The following FGF1 variants were observed in gnomAD, a reference collection of about 807,000 sequenced individuals.
The protein encoded by FGF1 is fibroblast growth factor 1, also known as beta-endothelial cell growth factor.
FGF1 carries 9 observed loss-of-function variants against 13.4 expected under a neutral mutation model. That is an observed-to-expected ratio of 0.67 (90% confidence interval 0.40 to 1.17). The LOEUF (loss-of-function observed/expected upper bound fraction) is 1.17, where lower values mean the gene tolerates loss of function less well. Among genes scored for constraint, FGF1 ranks in the 50% most tolerant of loss-of-function variants. FGF1 has a pLI of 0.01. For missense variants in FGF1, 156 were observed against 192.7 expected, an observed-to-expected ratio of 0.81 and a Z score of 1.13; for synonymous variants, 93 against 79.0, an observed-to-expected ratio of 1.18 and a Z score of -0.94.
intron 1 of FGF1, among the ~76,000 whole-genome samples, chr5:142,662,029 A>T (rs182582196): frequency 6.6e-6 from 1 of 151,924 alleles, no homozygotes. Context: ...AAACACACAG[A>T]CAAAAAAAAA....
chr5:142,681,620 T>G (rs1284822184), intron 1 of FGF1, among the ~76,000 whole-genome samples: 4 of 152,202 alleles, frequency 2.6e-5, no homozygotes, highest in Non-Finnish European at 5.9e-5. Context: ...CATCTGGTGC[T>G]GAATTCCTAT....
intron 1 of FGF1, among the ~76,000 whole-genome samples, chr5:142,654,948 G>T (rs898082298): frequency 6.6e-6 from 1 of 152,236 alleles, no homozygotes; most frequent in African/African-American, 2.4e-5. Context: ...CCAGGTAACC[G>T]CAGGCTCCCA....
At chr5:142,672,303 A>G (rs1257720560) in intron 1 of FGF1, among the ~76,000 whole-genome samples, 1 of 152,164 alleles carries the variant, frequency 6.6e-6, no homozygotes, top group Non-Finnish European at 1.5e-5. Context: ...AGCTATTCAA[A>G]AATAATGTTA....
chr5:142,613,838 G>C, intron 2 of FGF1, 121 bp downstream of exon 2: 2 of 1,025,838 alleles, frequency 1.9e-6, no homozygotes, highest in Non-Finnish European at 2.8e-6. Context: ...ACCTCTGAAT[G>C]TGTCATGCCT....
intron 1 of FGF1, among the ~76,000 whole-genome samples, chr5:142,648,689 C>CAAAAAAAAAAAAAAAAA (rs11451715): frequency 1.5e-5 from 1 of 66,212 alleles, no homozygotes; most frequent in African/African-American, 6.2e-5. Context: ...CCCCACCAAC[C>CAAAAAAAAAAAAAAAAA]AAAAAAAAAA....
At position 142,641,611 on chromosome 5, in the gene FGF1, T is replaced by C. The variant is rs1245794667; in HGVS notation, c.-34-27450A>G. On this transcript the variant is annotated intron_variant, in intron 1 of 3. Transcript: ENST00000337706. ...AATTTGTTGTAAAAACATATTGTAA[T>C]GAATTGAATCTAATTTATTTGTACT... Among the ~76,000 whole-genome samples, 3 of 152,052 alleles carry C rather than the reference T, an allele frequency of 2.0e-5. 1 individual carries two copies. The highest frequency in any genetic ancestry group is 7.3e-5 in the African/African-American group (3 of 41,290).
chr5:142,608,622 A>G (rs1160228671), intron 2 of FGF1, among the ~76,000 whole-genome samples: 1 of 144,520 alleles, frequency 6.9e-6, no homozygotes, highest in Non-Finnish European at 1.5e-5. Context: ...ATATGAAAAA[A>G]AAAACCTTAT....
intron 1 of FGF1, among the ~76,000 whole-genome samples, chr5:142,676,725 C>G (rs1490462384): frequency 6.6e-6 from 1 of 152,210 alleles, no homozygotes; most frequent in African/African-American, 2.4e-5. Context: ...GCTTAGGGCT[C>G]TGCTTCACAT....
chr5:142,668,182 T>A (rs573809959), intron 1 of FGF1, among the ~76,000 whole-genome samples: 3 of 152,360 alleles, frequency 2.0e-5, no homozygotes, highest in African/African-American at 7.2e-5. Context: ...GCAAGGAAAG[T>A]TCTTTGCTTC....
intron 2 of FGF1, among the ~76,000 whole-genome samples, chr5:142,692,823 A>AAAACAAACAAAC (rs59345808): frequency 1.3e-3 from 190 of 151,208 alleles, no homozygotes; most frequent in Non-Finnish European, 1.9e-3. Context: ...CTATTTGGCA[A>AAAACAAACAAAC]AAACAAACAA....
intron 1 of FGF1, among the ~76,000 whole-genome samples, chr5:142,619,175 C>T (rs1264601390): frequency 6.6e-6 from 1 of 151,998 alleles, no homozygotes; most frequent in East Asian, 1.9e-4. Flanking sequence ...ACCTCGTGAT[C>T]CACCCGCCTC....
At chr5:142,664,198 T>C (rs1769844934) in intron 1 of FGF1, among the ~76,000 whole-genome samples, 1 of 152,214 alleles carries the variant, frequency 6.6e-6, no homozygotes, top group Admixed American at 6.5e-5. Flanking sequence ...TGCTCCATTG[T>C]GTTTTCTGTT....
In FGF1 at chr5:142,663,257, A is replaced by AAAG. The variant is rs1475924380; in HGVS notation, c.-35+22699_-35+22700insCTT. On this transcript the variant is annotated intron_variant, in intron 1 of 3. Coordinates refer to ENST00000337706, the MANE Select transcript of FGF1 (RefSeq NM_000800.5). ...GCAGGTTAATCAGGAAAGAAAAAAA[A>AAAG]AAAAAAGAAAAAAGATAATGAGCTT... Among the ~76,000 whole-genome samples the AAAG allele has an allele frequency of 2.6e-5, 4 of 151,662 alleles. No homozygotes were observed. The East Asian group carries it at 7.7e-4, about 29-fold the overall frequency.
intron 2 of FGF1, among the ~76,000 whole-genome samples, chr5:142,604,958 C>T (rs7718612): frequency 0.098 from 14,868 of 152,048 alleles, 1,555 homozygotes; most frequent in African/African-American, 0.26. Context: ...CATCTGTAGC[C>T]ATGGAATGGA....
intron 1 of FGF1, among the ~76,000 whole-genome samples, chr5:142,623,746 A>AT (rs11395953): frequency 0.32 from 46,621 of 145,852 alleles, 7,950 homozygotes; most frequent in African/African-American, 0.43. Context: ...CATTAAAAAA[A>AT]TTTTTTTTTT....
At chr5:142,626,583 C>T (rs143759665) in intron 1 of FGF1, among the ~76,000 whole-genome samples, 46 of 152,290 alleles carry the variant, frequency 3.0e-4, no homozygotes, top group African/African-American at 1.0e-3. Flanking sequence ...GCCCCCGGAA[C>T]GTGTACAGCC....
intron 1 of FGF1, among the ~76,000 whole-genome samples, chr5:142,629,415 T>C (rs1364259832): frequency 6.6e-6 from 1 of 152,142 alleles, no homozygotes; most frequent in Non-Finnish European, 1.5e-5. Context: ...CCTTCCACCC[T>C]GGCCTTCCAA....
At chr5:142,623,750 T>TTC (rs1336608249) in intron 1 of FGF1, among the ~76,000 whole-genome samples, 2 of 151,692 alleles carry the variant, frequency 1.3e-5, no homozygotes, top group Non-Finnish European at 2.9e-5. Flanking sequence ...AAAAAAATTT[T>TTC]TTTTTTTTTT....
chr5:142,621,298 C>T (rs1761553426), intron 1 of FGF1: 1 of 152,204 alleles, frequency 6.6e-6, no homozygotes, highest in Non-Finnish European at 1.5e-5. Context: ...CATACTCACC[C>T]AGGTCTTAGC....
Sources: gnomAD v4.1 joint callset for allele counts (sites outside exome capture counted in the v4.1 genomes callset) on GRCh38, gnomAD v4.1.1 for gene constraint, MANE v1.5 for transcripts, NCBI Gene and HGNC (gene_info 2026-07-23, HGNC 2026-07-21) for gene names.